FAM178B: variants seen among roughly 807,000 people sequenced by gnomAD.
The protein encoded by FAM178B is protein FAM178B.
FAM178B carries 82 observed loss-of-function variants against 91.7 expected under a neutral mutation model. The observed-to-expected ratio is 0.89, with a 90% CI of 0.75 to 1.07. FAM178B has a LOEUF of 1.07. FAM178B is among the 50% of genes least tolerant of loss of function. The pLI, the probability that FAM178B is intolerant of heterozygous loss-of-function variation, is 0.00. For synonymous variants in FAM178B, 368 were observed against 359.4 expected (o/e 1.02, Z -0.27); for missense variants, 769 against 846.7 (o/e 0.91, Z 1.14).
chr2:96,976,592 C>G (rs190528803), intron 1 of FAM178B, among the ~76,000 whole-genome samples: 1 of 152,032 alleles, frequency 6.6e-6, no homozygotes, highest in Admixed American at 6.6e-5. Flanking sequence ...CGCCTGTAAT[C>G]TCAGTACTTT....
intron 13 of FAM178B, among the ~76,000 whole-genome samples, chr2:96,896,615 A>T (rs924415210): frequency 3.9e-5 from 6 of 152,144 alleles, no homozygotes; most frequent in Non-Finnish European, 8.8e-5. Flanking sequence ...GAGGTGGTGG[A>T]GGCTGATTTC....
intron 12 of FAM178B, among the ~76,000 whole-genome samples, chr2:96,919,213 G>T (rs181446712): frequency 6.6e-6 from 1 of 152,212 alleles, no homozygotes; most frequent in African/African-American, 2.4e-5. Flanking sequence ...TTTATTGTGT[G>T]TATGTGTGAG....
chr2:96,954,505 G>C (rs1157805390), intron 6 of FAM178B, among the ~76,000 whole-genome samples: 3 of 152,206 alleles, frequency 2.0e-5, no homozygotes, highest in African/African-American at 7.2e-5. Flanking sequence ...ACACCCAAGG[G>C]AAGATTCTTC....
chr2:96,878,638 G>A (rs2080305125), intron 14 of FAM178B, 145 bp from the exon 15 acceptor site: 2 of 718,698 alleles, frequency 2.8e-6, no homozygotes, highest in Non-Finnish European at 4.8e-6. Flanking sequence ...ACAGTTTCCA[G>A]GGAGGCATCT....
At chr2:96,949,967 C>T in intron 7 of FAM178B, 1 of 985,550 alleles carries the variant, frequency 1.0e-6, no homozygotes, top group Middle Eastern at 5.2e-4. Context: ...AGAACTCACA[C>T]CAAGTCTGTC....
At chr2:96,985,951 A>C (rs897707605) in intron 1 of FAM178B, among the ~76,000 whole-genome samples, 3 of 152,226 alleles carry the variant, frequency 2.0e-5, no homozygotes, top group African/African-American at 7.2e-5. Flanking sequence ...AACATTAAAA[A>C]TCAAAACAAA....
chr2:96,949,950 C>G, intron 7 of FAM178B: 1 of 982,204 alleles, frequency 1.0e-6, no homozygotes, highest in Non-Finnish European at 1.2e-6. Flanking sequence ...GAGTAGGTGG[C>G]AGGGCCAGAA....
chr2:96,887,663 G>A (rs181014640), intron 14 of FAM178B, among the ~76,000 whole-genome samples: 5 of 152,324 alleles, frequency 3.3e-5, no homozygotes, highest in Admixed American at 2.0e-4. Flanking sequence ...GCCAGCTGGC[G>A]GAGGCTCTGG....
intron 12 of FAM178B, among the ~76,000 whole-genome samples, chr2:96,908,370 G>C (rs1245681332): frequency 6.6e-6 from 1 of 152,208 alleles, no homozygotes; most frequent in Non-Finnish European, 1.5e-5. Context: ...AAGGGAGAAT[G>C]CTCTGCATGG....
In FAM178B at chr2:96,941,602, T is replaced by A. The variant is rs115775132; in HGVS notation, c.1078+6216A>T. 1.2e-3 allele frequency among the ~76,000 whole-genome samples: 183 copies of A among 152,282 alleles called. 1 individual carries two copies. The highest frequency in any genetic ancestry group is 4.2e-3 in the African/African-American group (173 of 41,566). Reference sequence around the variant, plus strand: ...ACCCTGCTCAAGAACGTGAAATGAATTCTGTTCTTGGAGCTGAACGTCTCG... The same window carrying A: ...ACCCTGCTCAAGAACGTGAAATGAAATCTGTTCTTGGAGCTGAACGTCTCG... On this transcript the variant is annotated intron_variant, in intron 8 of 16. Transcript: ENST00000490605.
At position 96,901,346 on chromosome 2, in the gene FAM178B, G is replaced by A. The variant is rs1162513306; in HGVS notation, c.1650+1274C>T. On this transcript the variant is annotated intron_variant, in intron 13 of 16. Coordinates refer to ENST00000490605, the MANE Select transcript of FAM178B (RefSeq NM_001122646.3). ...TGCCAGCATGCCCGGCTAATTTTTT[G>A]TTTTTTTAGTAGAGACGGGGTTTCA... 2.0e-5 allele frequency among the ~76,000 whole-genome samples: 3 copies of A among 148,054 alleles called. No individual in the cohort carries two copies. In the Admixed American group the frequency reaches 2.4e-4, roughly 12 times the overall value.
Position 96,906,996 on chromosome 2 carries a change from C to T in FAM178B, c.1563-4289G>A, listed in dbSNP as rs984230507. On this transcript the variant is annotated intron_variant, in intron 12 of 16. Transcript: ENST00000490605. ...CCGGGGGTGAGGGGAGCAGGCAGGCCGGCAAAGCAGTGCCAGGGGTGGTTC... is the reference window on the plus strand; with the variant it reads ...CCGGGGGTGAGGGGAGCAGGCAGGCTGGCAAAGCAGTGCCAGGGGTGGTTC... 5.3e-5 allele frequency among the ~76,000 whole-genome samples: 8 copies of T among 152,264 alleles called. No homozygotes were observed. The East Asian group carries it at 7.8e-4, about 15-fold the overall frequency.
chr2:96,893,292 C>T (rs1417000387), intron 14 of FAM178B, among the ~76,000 whole-genome samples: 2 of 152,144 alleles, frequency 1.3e-5, no homozygotes, highest in Admixed American at 1.3e-4. Context: ...CCACCACATC[C>T]CTGCTCTGAC....
rs1328441106 is a variant in FAM178B, at chr2:96,974,992, G to A, written c.74-2386C>T. ...TGTAATCCCAGCTACTCGGGAGACT[G>A]AGGCAGGAGAATCGTTTGAACCCGG... On this transcript the variant is annotated intron_variant, in intron 1 of 16. Transcript: ENST00000490605. 2.0e-5 allele frequency among the ~76,000 whole-genome samples: 3 copies of A among 150,264 alleles called. No homozygotes were observed. In the East Asian group the frequency reaches 5.9e-4, roughly 29 times the overall value.
intron 8 of FAM178B, among the ~76,000 whole-genome samples, chr2:96,933,259 A>T (rs1025400845): frequency 1.3e-5 from 2 of 152,142 alleles, no homozygotes; most frequent in African/African-American, 2.4e-5. Context: ...AAATAAAAAA[A>T]AAAATTAAAA....
At chr2:96,986,179 G>C in intron 1 of FAM178B, 62 bp downstream of exon 1, 1 of 1,531,676 alleles carries the variant, frequency 6.5e-7, no homozygotes, top group Non-Finnish European at 8.7e-7. Flanking sequence ...TCCCAGGGAA[G>C]TCGAGTGCTC....
At chr2:96,900,431 G>A (rs1252469291) in intron 13 of FAM178B, among the ~76,000 whole-genome samples, 5 of 152,200 alleles carry the variant, frequency 3.3e-5, no homozygotes, top group Non-Finnish European at 7.3e-5. Context: ...TTCCCGGGGT[G>A]TGCCAGGCAC....
chr2:96,898,618 C>T (rs556347188), intron 13 of FAM178B, among the ~76,000 whole-genome samples: 47 of 152,324 alleles, frequency 3.1e-4, no homozygotes, highest in South Asian at 2.3e-3. Context: ...CACACCACTG[C>T]ACTCCAGCCT....
chr2:96,971,935 G>C lies in FAM178B; in HGVS notation c.530C>G (p.Thr177Arg). The change falls in exon 3 of 17, where the codon ACG (threonine) becomes AGG (arginine). Residue 177 changes from threonine to arginine, a missense_variant. Physicochemically the swap from Thr to Arg is moderately conservative, Grantham distance 71 (BLOSUM62 -1). Transcript: ENST00000490605. ...LALPEKLFWN[T>R]SGLSQQAAAP... ...CGCAGCCTGCTGGCTCAGGCCTGAC[G>C]TGTTCCAGAACAGCTTCTCTGGCAA... The C allele has an allele frequency of 1.3e-6, 2 of 1,533,474 alleles. No individual in the cohort carries two copies. The highest frequency in any genetic ancestry group is 1.8e-6 in the Non-Finnish European group (2 of 1,138,982). 95.0% of individuals were successfully genotyped at this position (1,533,474 alleles called of 1,614,324 possible). A position where few individuals can be genotyped will look rare whatever the true frequency, so the allele number is the denominator to read the frequency against.
Sources: allele counts gnomAD v4.1 joint callset (sites outside exome capture counted in the v4.1 genomes callset), GRCh38; gene constraint gnomAD v4.1.1; transcripts MANE v1.5; gene names NCBI Gene and HGNC (gene_info 2026-07-23, HGNC 2026-07-21).